The following UMAD1 variants were observed in gnomAD, a reference collection of about 807,000 sequenced individuals.
The protein encoded by UMAD1 is UBAP1-MVB12-associated (UMA)-domain containing protein 1.
Under a neutral mutation model 6.1 loss-of-function variants are expected in UMAD1, and 8 were observed. The observed-to-expected ratio is 1.30, with a 90% CI of 0.76 to 2.35. The LOEUF is 2.35. Ranked by LOEUF, UMAD1 falls within the 30% of genes most tolerant of loss-of-function variation. The pLI is 0.00. For synonymous variants in UMAD1, 56 were observed against 31.4 expected, an observed-to-expected ratio of 1.78 and a Z score of -2.61; for missense variants, 130 against 78.4, an observed-to-expected ratio of 1.66 and a Z score of -2.49.
chr7:7,729,481 G>A (rs533315710), intron 2 of UMAD1, among the ~76,000 whole-genome samples: 1 of 152,242 alleles, frequency 6.6e-6, no homozygotes, highest in African/African-American at 2.4e-5. Context: ...TCTGTGATTA[G>A]GGTGCCAGTC....
intron 2 of UMAD1, among the ~76,000 whole-genome samples, chr7:7,792,508 T>C (rs1782585318): frequency 6.6e-6 from 1 of 152,240 alleles, no homozygotes; most frequent in South Asian, 2.1e-4. Flanking sequence ...ATTGGTTAAC[T>C]TAACTCAAGC....
intron 2 of UMAD1, among the ~76,000 whole-genome samples, chr7:7,709,806 A>G (rs1780706379): frequency 6.6e-6 from 1 of 152,142 alleles, no homozygotes; most frequent in Non-Finnish European, 1.5e-5. Flanking sequence ...TAATGAGAAC[A>G]TATTCAGAAT....
chr7:7,783,924 G>T (rs1017018958), intron 2 of UMAD1, among the ~76,000 whole-genome samples: 2 of 152,030 alleles, frequency 1.3e-5, no homozygotes, highest in Non-Finnish European at 2.9e-5. Context: ...TTCACCAAAA[G>T]GAGATGAAAT....
intron 2 of UMAD1, among the ~76,000 whole-genome samples, chr7:7,789,169 A>AT (rs962728309): frequency 4.6e-5 from 7 of 152,134 alleles, no homozygotes; most frequent in South Asian, 2.1e-4. Flanking sequence ...ACTGGTTATT[A>AT]TTTTTTTGCT....
At chr7:7,679,922 A>G (rs780473964) in intron 2 of UMAD1, among the ~76,000 whole-genome samples, 32 of 151,792 alleles carry the variant, frequency 2.1e-4, no homozygotes, top group Non-Finnish European at 4.4e-4. Context: ...TGAGTTCCTT[A>G]TATATACTGA....
intron 2 of UMAD1, among the ~76,000 whole-genome samples, chr7:7,762,249 A>G (rs1487707477): frequency 6.6e-6 from 1 of 152,172 alleles, no homozygotes; most frequent in East Asian, 1.9e-4. Context: ...AATTCGGAGA[A>G]CTTTCAAACA....
chr7:7,702,855 T>G (rs1479174238), intron 2 of UMAD1, among the ~76,000 whole-genome samples: 2 of 152,188 alleles, frequency 1.3e-5, no homozygotes, highest in African/African-American at 4.8e-5. Flanking sequence ...GTCAACCAGT[T>G]TGTTTGCTGA....
intron 3 of UMAD1, among the ~76,000 whole-genome samples, chr7:7,864,602 TACACACACACACACACACACACACACAC>T (rs59036228): frequency 6.4e-5 from 9 of 140,160 alleles, no homozygotes; most frequent in Non-Finnish European, 1.2e-4. Context: ...ACATGAAAAC[TACACACACACACACACACACACACACAC>T]ACACACACAC....
intron 2 of UMAD1, among the ~76,000 whole-genome samples, chr7:7,712,684 G>A (rs1780796424): frequency 6.6e-6 from 1 of 152,108 alleles, no homozygotes. Context: ...TGGTCTTACT[G>A]CATGGTCTAG....
intron 3 of UMAD1, among the ~76,000 whole-genome samples, chr7:7,843,660 A>G (rs1464734171): frequency 6.6e-6 from 1 of 152,190 alleles, no homozygotes; most frequent in African/African-American, 2.4e-5. Flanking sequence ...TAGGCTGGAA[A>G]TAAACTTAAG....
intron 2 of UMAD1, among the ~76,000 whole-genome samples, chr7:7,733,357 T>C (rs1781293042): frequency 6.6e-6 from 1 of 152,030 alleles, no homozygotes. Context: ...ATCTTATTTA[T>C]TGGTTTAGTG....
chr7:7,714,858 T>C (rs950519967), intron 2 of UMAD1, among the ~76,000 whole-genome samples: 3 of 149,940 alleles, frequency 2.0e-5, no homozygotes, highest in South Asian at 4.2e-4. Flanking sequence ...TTTTTCTTTT[T>C]TTTTTTTTTT....
At chr7:7,662,023 A>G (rs1309378912) in intron 1 of UMAD1, among the ~76,000 whole-genome samples, 3 of 152,164 alleles carry the variant, frequency 2.0e-5, no homozygotes, top group Admixed American at 1.3e-4. Flanking sequence ...GGAGGAATCT[A>G]GAGAGGCAGT....
At chr7:7,840,467 C>T (rs920276348) in intron 3 of UMAD1, among the ~76,000 whole-genome samples, 3 of 121,542 alleles carry the variant, frequency 2.5e-5, no homozygotes, top group Admixed American at 8.0e-5. Flanking sequence ...GTGATTGTAG[C>T]GTGCATTTAG....
chr7:7,793,219 T>C (rs1782604249), intron 2 of UMAD1, among the ~76,000 whole-genome samples: 1 of 152,236 alleles, frequency 6.6e-6, no homozygotes, highest in Non-Finnish European at 1.5e-5. Context: ...GTATGTATCA[T>C]TATTCCCATT....
intron 1 of UMAD1, among the ~76,000 whole-genome samples, chr7:7,669,329 C>T (rs904340969): frequency 8.5e-5 from 13 of 152,212 alleles, no homozygotes; most frequent in Admixed American, 3.9e-4. Context: ...TTCCCCTTCG[C>T]CTTTCCAGTT....
intron 2 of UMAD1, chr7:7,742,488 C>T: frequency 1.9e-6 from 1 of 525,806 alleles, no homozygotes; most frequent in Non-Finnish European, 3.7e-6. Flanking sequence ...ACACTGCCTT[C>T]TTGGCCTTCG....
intron 3 of UMAD1, among the ~76,000 whole-genome samples, chr7:7,823,628 T>G (rs1405018680): frequency 6.6e-6 from 1 of 152,152 alleles, no homozygotes; most frequent in Non-Finnish European, 1.5e-5. Context: ...TCTTACCTAC[T>G]TTTCATTTTT....
chr7:7,728,946 A>G (rs1781195186), intron 2 of UMAD1, among the ~76,000 whole-genome samples: 2 of 152,242 alleles, frequency 1.3e-5, no homozygotes, highest in Admixed American at 1.3e-4. Flanking sequence ...GTCCAGTTGT[A>G]GAGACAGACA....
Sources: allele counts gnomAD v4.1 joint callset (sites outside exome capture counted in the v4.1 genomes callset), GRCh38; gene constraint gnomAD v4.1.1; transcripts MANE v1.5; gene names NCBI Gene and HGNC (gene_info 2026-07-23, HGNC 2026-07-21).